The following INPP4B variants were observed in gnomAD, a reference collection of about 807,000 sequenced individuals.
INPP4B encodes inositol polyphosphate 4-phosphatase type II.
Under a neutral mutation model 122.5 loss-of-function variants are expected in INPP4B, and 55 were observed. The ratio of observed to expected loss-of-function variants is 0.45; its 90% confidence interval spans 0.36 to 0.56. INPP4B has a LOEUF of 0.56. Ranked by LOEUF, INPP4B falls within the 20% of genes least tolerant of loss-of-function variation. The pLI is 0.00. For missense variants in INPP4B, 1,000 were observed against 1,097.7 expected, an observed-to-expected ratio of 0.91 and a Z score of 1.26; for synonymous variants, 403 against 388.7, an observed-to-expected ratio of 1.04 and a Z score of -0.43.
chr4:142,064,929 A>G (rs993422431), intron 25 of INPP4B, among the ~76,000 whole-genome samples: 2 of 152,208 alleles, frequency 1.3e-5, no homozygotes, highest in African/African-American at 4.8e-5. Context: ...AACAGACATC[A>G]TTTTGAAAAC....
intron 18 of INPP4B, among the ~76,000 whole-genome samples, chr4:142,128,416 T>C (rs1799674001): frequency 6.6e-6 from 1 of 151,910 alleles, no homozygotes. Context: ...CTAGTGAAGC[T>C]GGGGAGCTAA....
At chr4:142,605,821 C>A (rs1185844015) in intron 2 of INPP4B, among the ~76,000 whole-genome samples, 1 of 151,750 alleles carries the variant, frequency 6.6e-6, no homozygotes, top group Non-Finnish European at 1.5e-5. Context: ...TTAGTACAAC[C>A]ACTATGGAAA....
chr4:142,136,157 G>A (rs1344553566), intron 18 of INPP4B, among the ~76,000 whole-genome samples: 1 of 152,074 alleles, frequency 6.6e-6, no homozygotes, highest in African/African-American at 2.4e-5. Flanking sequence ...CGTGAGTACA[G>A]AGCCTCAAAG....
chr4:142,723,664 C>A (rs1764975562), intron 2 of INPP4B, among the ~76,000 whole-genome samples: 1 of 152,090 alleles, frequency 6.6e-6, no homozygotes, highest in Admixed American at 6.5e-5. Context: ...ATTAATCCTA[C>A]ACAAAATGAA....
At chr4:142,471,373 G>A (rs1026805792) in intron 2 of INPP4B, among the ~76,000 whole-genome samples, 1 of 152,098 alleles carries the variant, frequency 6.6e-6, no homozygotes, top group African/African-American at 2.4e-5. Flanking sequence ...GTTGGCAGTA[G>A]TTATTTTTGT....
chr4:142,600,349 C>A (rs1174201390), intron 2 of INPP4B, among the ~76,000 whole-genome samples: 1 of 152,082 alleles, frequency 6.6e-6, no homozygotes, highest in African/African-American at 2.4e-5. Context: ...AACTCTAATA[C>A]CCAAGGGTAC....
At chr4:142,293,753 G>T (rs1424839877) in intron 9 of INPP4B, among the ~76,000 whole-genome samples, 1 of 152,222 alleles carries the variant, frequency 6.6e-6, no homozygotes, top group African/African-American at 2.4e-5. Flanking sequence ...TCATTTAACG[G>T]TTTAGGGTAG....
intron 2 of INPP4B, among the ~76,000 whole-genome samples, chr4:142,569,888 CA>C (rs201350006): frequency 0.032 from 4,870 of 152,150 alleles, 124 homozygotes; most frequent in Non-Finnish European, 0.047. Context: ...ACCTCTCATA[CA>C]TAAATTTTCT....
chr4:142,140,962 C>T (rs776992984), intron 18 of INPP4B, among the ~76,000 whole-genome samples: 3 of 152,114 alleles, frequency 2.0e-5, no homozygotes, highest in African/African-American at 4.8e-5. Flanking sequence ...TGTATCGCTG[C>T]GCTTAATTCT....
chr4:142,232,288 A>C (rs1353563366), intron 12 of INPP4B, among the ~76,000 whole-genome samples: 2 of 152,076 alleles, frequency 1.3e-5, no homozygotes, highest in African/African-American at 4.8e-5. Context: ...CAAATTGAAG[A>C]TTGGTGGCAA....
chr4:142,584,636 A>G (rs149196706), intron 2 of INPP4B, among the ~76,000 whole-genome samples: 2 of 152,118 alleles, frequency 1.3e-5, no homozygotes, highest in African/African-American at 2.4e-5. Flanking sequence ...AAAGGTACAT[A>G]TTATCTACAT....
At chr4:142,627,308 A>G (rs1053404745) in intron 2 of INPP4B, among the ~76,000 whole-genome samples, 1 of 150,680 alleles carries the variant, frequency 6.6e-6, no homozygotes, top group Non-Finnish European at 1.5e-5. Context: ...GAGTGGTGAG[A>G]GAGGGCATCC....
chr4:142,395,217 ATGTAC>A (rs1310898992), intron 7 of INPP4B, among the ~76,000 whole-genome samples: 2 of 152,224 alleles, frequency 1.3e-5, no homozygotes, highest in African/African-American at 4.8e-5. Flanking sequence ...GCAGAGTGCA[ATGTAC>A]TTTGATATGT....
intron 3 of INPP4B, among the ~76,000 whole-genome samples, chr4:142,461,392 G>A (rs971181494): frequency 5.3e-5 from 8 of 152,116 alleles, no homozygotes; most frequent in Non-Finnish European, 1.0e-4. Context: ...GTTTTTCTCC[G>A]TTTAAGAAAA....
In INPP4B at chr4:142,382,538, C is replaced by CAT. The variant is rs1014572482; in HGVS notation, c.372+20398_372+20399dup. ...AACAAAAAACATACATACACATATA[C>CAT]ATATATATATATATTTACATTTATG... On this transcript the variant is annotated intron_variant, in intron 7 of 25. Coordinates refer to ENST00000262992, the MANE Select transcript of INPP4B (RefSeq NM_001101669.3). Among the ~76,000 whole-genome samples, 491 of 130,330 alleles carry CAT rather than the reference C, an allele frequency of 3.8e-3. 5 individuals carry two copies. Among genetic ancestry groups the CAT allele is most frequent in the African/African-American group, 0.014 (440 of 31,872 alleles). 85.5% of individuals were successfully genotyped at this position (130,330 alleles called of 152,430 possible). A position where few individuals can be genotyped will look rare whatever the true frequency, so the allele number is the denominator to read the frequency against.
At chr4:142,382,386 G>A (rs1794431417) in intron 7 of INPP4B, among the ~76,000 whole-genome samples, 1 of 151,604 alleles carries the variant, frequency 6.6e-6, no homozygotes, top group East Asian at 1.9e-4. Flanking sequence ...GCAGGTGCCT[G>A]TAGTCCCAGC....
chr4:142,457,876 G>A (rs994881570), intron 3 of INPP4B, among the ~76,000 whole-genome samples: 2 of 152,108 alleles, frequency 1.3e-5, no homozygotes, highest in Non-Finnish European at 2.9e-5. Context: ...GATTCCAGGC[G>A]TGAGCTACCA....
chr4:142,095,431 G>A (rs920855676), intron 23 of INPP4B, among the ~76,000 whole-genome samples: 2 of 152,164 alleles, frequency 1.3e-5, no homozygotes, highest in African/African-American at 4.8e-5. Flanking sequence ...TAGAACTAAC[G>A]TAGTCACCTT....
rs548949067 is a variant in INPP4B, at chr4:142,389,062, C to T, written c.372+13876G>A. Among the ~76,000 whole-genome samples, 11 of 152,016 alleles carry T rather than the reference C, an allele frequency of 7.2e-5. No homozygotes were observed. In the South Asian group the frequency reaches 2.3e-3, roughly 31 times the overall value. On this transcript the variant is annotated intron_variant, in intron 7 of 25. Transcript: ENST00000262992. The stretch of plus-strand genomic sequence containing the variant: ...GTCAGGATTTCGAGACCAGCCTGGT[C>T]AACATGGTGAAACCCTGTCTCTACT...
Sources: gnomAD v4.1 joint callset for allele counts (sites outside exome capture counted in the v4.1 genomes callset) on GRCh38, gnomAD v4.1.1 for gene constraint, MANE v1.5 for transcripts, NCBI Gene and HGNC (gene_info 2026-07-23, HGNC 2026-07-21) for gene names.